The following EPDR1 variants were observed in gnomAD, a reference collection of about 807,000 sequenced individuals.
EPDR1 encodes ependymin related 1.
In EPDR1, 27 loss-of-function variants were observed where a neutral mutation model predicts 23.7. The observed-to-expected ratio is 1.14, with a 90% CI of 0.84 to 1.57. EPDR1 has a LOEUF of 1.57. Ranked by LOEUF, EPDR1 falls within the 40% of genes most tolerant of loss-of-function variation. The pLI, the probability that EPDR1 is intolerant of heterozygous loss-of-function variation, is 0.00. For synonymous variants in EPDR1, 137 were observed against 118.2 expected (o/e 1.16, Z -1.03); for missense variants, 349 against 290.4 (o/e 1.20, Z -1.47).
At chr7:37,948,819 T>A (rs1195927506) in intron 1 of EPDR1, 21 bp from the exon 2 acceptor site, 6 of 1,606,260 alleles carry the variant, frequency 3.7e-6, no homozygotes, top group Non-Finnish European at 5.1e-6. Context: ...CCCAAACTAC[T>A]TCTTTCCATC....
At chr7:37,930,570 A>T (rs1292147462) in intron 1 of EPDR1, among the ~76,000 whole-genome samples, 1 of 152,142 alleles carries the variant, frequency 6.6e-6, no homozygotes, top group Non-Finnish European at 1.5e-5. Flanking sequence ...CCCTTGTCAC[A>T]CACCCTGTCC....
intron 1 of EPDR1, among the ~76,000 whole-genome samples, chr7:37,945,740 G>T (rs113058448): frequency 6.6e-6 from 1 of 152,048 alleles, no homozygotes; most frequent in Non-Finnish European, 1.5e-5. Context: ...TTTATTCTAA[G>T]TCAGGGGTAC....
At chr7:37,949,690 C>T (rs1188581956) in intron 2 of EPDR1, among the ~76,000 whole-genome samples, 2 of 152,130 alleles carry the variant, frequency 1.3e-5, no homozygotes, top group African/African-American at 4.8e-5. Context: ...GCATTATTCA[C>T]AATTGCCAAA....
Position 37,921,084 on chromosome 7 carries a change from G to A in EPDR1, c.145G>A (p.Glu49Lys). ...CCCGTGCCAGGCGCCGCAGCAGTGG[G>A]AGGGGCGCCAGGTTATGTACCAGCA... Reference protein sequence around the residue: ...PRPCQAPQQWEGRQVMYQQSS... With the variant: ...PRPCQAPQQWKGRQVMYQQSS... Residue 49 changes from glutamate to lysine, a missense_variant, in exon 1 of 3, where the codon GAG becomes AAG. Glu to Lys is a moderately conservative substitution (Grantham distance 56). Coordinates refer to ENST00000199448, the MANE Select transcript of EPDR1 (RefSeq NM_017549.5). The A allele has an allele frequency of 1.3e-6, 2 of 1,580,398 alleles. No individual in the cohort carries two copies. The highest frequency in any genetic ancestry group is 2.3e-5 in the East Asian group (1 of 43,354).
At chr7:37,934,162 G>C (rs1022526126) in intron 1 of EPDR1, among the ~76,000 whole-genome samples, 2 of 152,080 alleles carry the variant, frequency 1.3e-5, no homozygotes, top group Non-Finnish European at 2.9e-5. Context: ...ATTTTTAGTA[G>C]AGACGGAGTT....
At chr7:37,934,120 G>A (rs1786000660) in intron 1 of EPDR1, among the ~76,000 whole-genome samples, 2 of 152,040 alleles carry the variant, frequency 1.3e-5, no homozygotes, top group African/African-American at 2.4e-5. Flanking sequence ...GGGACTATAG[G>A]TGCCCACCAC....
chr7:37,940,395 A>T (rs1786147218), intron 1 of EPDR1, among the ~76,000 whole-genome samples: 1 of 152,216 alleles, frequency 6.6e-6, no homozygotes, highest in African/African-American at 2.4e-5. Context: ...ACATATTTAA[A>T]TAATAAAATC....
intron 1 of EPDR1, among the ~76,000 whole-genome samples, chr7:37,944,338 C>T (rs28392877): frequency 1.3e-5 from 2 of 152,118 alleles, no homozygotes; most frequent in South Asian, 2.1e-4. Flanking sequence ...TATTAGACCT[C>T]GGTTGCCATG....
At chr7:37,936,328 A>G (rs1275051539) in intron 1 of EPDR1, among the ~76,000 whole-genome samples, 5 of 152,054 alleles carry the variant, frequency 3.3e-5, no homozygotes, top group Non-Finnish European at 1.5e-5. Context: ...GTAGGAACTG[A>G]TGGATGCTTC....
At chr7:37,934,255 C>A (rs1283387436) in intron 1 of EPDR1, among the ~76,000 whole-genome samples, 1 of 152,122 alleles carries the variant, frequency 6.6e-6, no homozygotes, top group African/African-American at 2.4e-5. Context: ...GGATTACAGG[C>A]GTGAGCCACC....
intron 1 of EPDR1, among the ~76,000 whole-genome samples, chr7:37,946,500 T>C (rs575879128): frequency 1.3e-5 from 2 of 152,346 alleles, no homozygotes; most frequent in Admixed American, 6.5e-5. Context: ...GGGCTTTTTT[T>C]CCTATGTTTG....
chr7:37,945,806 T>C (rs897546557), intron 1 of EPDR1, among the ~76,000 whole-genome samples: 1 of 152,220 alleles, frequency 6.6e-6, no homozygotes, highest in African/African-American at 2.4e-5. Flanking sequence ...GGTATCTTGC[T>C]GCACGGATCA....
chr7:37,939,193 A>T (rs573929828), intron 1 of EPDR1, among the ~76,000 whole-genome samples: 151 of 151,968 alleles, frequency 9.9e-4, no homozygotes, highest in African/African-American at 3.4e-3. Flanking sequence ...GTTAGCCAGG[A>T]TGGTCTCGAT....
Position 37,950,406 on chromosome 7 carries a change from T to C in EPDR1, c.*10T>C, listed in dbSNP as rs749693663. 1.2e-6 allele frequency: 2 copies of C among 1,602,714 alleles called. No homozygotes were observed. Among genetic ancestry groups the C allele is most frequent in the African/African-American group, 1.3e-5 (1 of 74,752 alleles). On this transcript the variant is annotated 3_prime_UTR_variant, in exon 3 of 3. Transcript: ENST00000199448. The stretch of plus-strand genomic sequence containing the variant: ...AGACTGCTCCTGGTGAGCCTGTGCA[T>C]AGGGAAGCGGCAGCATCGGATGTCA...
intron 1 of EPDR1, among the ~76,000 whole-genome samples, chr7:37,933,859 C>T (rs1785992379): frequency 6.6e-6 from 1 of 152,098 alleles, no homozygotes; most frequent in Non-Finnish European, 1.5e-5. Flanking sequence ...CTAGCAAATG[C>T]TAAAATATAA....
At chr7:37,945,570 C>T (rs1274815098) in intron 1 of EPDR1, among the ~76,000 whole-genome samples, 1 of 152,186 alleles carries the variant, frequency 6.6e-6, no homozygotes, top group Non-Finnish European at 1.5e-5. Flanking sequence ...AGCTGAAAAA[C>T]TTCCATTGCC....
Position 37,921,061 on chromosome 7 carries a change from CG to C in EPDR1, c.123del (p.Cys42AlafsTer44). ...CSLGAVGAPR[P>X]CQAPQQWEGR... ...CTGGGGGCGGTGGGAGCCCCGCGCC[CG>C]TGCCAGGCGCCGCAGCAGTGGGAGG... On this transcript the variant is annotated frameshift_variant, in exon 1 of 3. Coordinates refer to ENST00000199448, the MANE Select transcript of EPDR1 (RefSeq NM_017549.5). LOFTEE classifies it high-confidence loss of function. 6.4e-7 allele frequency: 1 copy of C among 1,553,468 alleles called. No individual in the cohort carries two copies. The highest frequency in any genetic ancestry group is 1.8e-5 in the Admixed American group (1 of 54,274).
chr7:37,938,951 A>G (rs538829586), intron 1 of EPDR1, among the ~76,000 whole-genome samples: 1 of 151,312 alleles, frequency 6.6e-6, no homozygotes, highest in South Asian at 2.1e-4. Flanking sequence ...TGTCCTATAC[A>G]ATTGTCTCCT....
Position 37,921,227 on chromosome 7 carries a change from C to A in EPDR1, c.269+19C>A. 1.3e-6 allele frequency: 2 copies of A among 1,571,412 alleles called. No homozygotes were observed. The highest frequency in any genetic ancestry group is 1.7e-6 in the Non-Finnish European group (2 of 1,169,182). Reference sequence around the variant, plus strand: ...GCAAGAGGTACAGGTCATCGGCCCGCGGGGCGGGAGTAGGGAGCCGCGCGG... The same window carrying A: ...GCAAGAGGTACAGGTCATCGGCCCGAGGGGCGGGAGTAGGGAGCCGCGCGG... On this transcript the variant is annotated intron_variant, in intron 1 of 2. Transcript: ENST00000199448.
Sources: allele counts gnomAD v4.1 joint callset (sites outside exome capture counted in the v4.1 genomes callset), GRCh38; gene constraint gnomAD v4.1.1; transcripts MANE v1.5; gene names NCBI Gene and HGNC (gene_info 2026-07-23, HGNC 2026-07-21).